Variants in TSKS observed in about 807,000 individuals in gnomAD.
TSKS encodes testis-specific serine kinase substrate.
In TSKS, 27 loss-of-function variants were observed where a neutral mutation model predicts 68.0. That is an observed-to-expected ratio of 0.40 (90% confidence interval 0.29 to 0.55). The LOEUF is 0.55. Among genes scored for constraint, TSKS ranks in the 20% least tolerant of loss-of-function variants. TSKS has a pLI of 0.53. For missense variants in TSKS, 806 were observed against 776.0 expected, an observed-to-expected ratio of 1.04 and a Z score of -0.46; for synonymous variants, 331 against 340.4, an observed-to-expected ratio of 0.97 and a Z score of 0.30.
rs2084276708 is a variant in TSKS at position 49,744,219 on chromosome 19, C to G, written c.1361+12G>C. 6.2e-7 allele frequency: 1 copy of G among 1,607,648 alleles called. No individual in the cohort carries two copies. Among genetic ancestry groups the G allele is most frequent in the African/African-American group, 1.3e-5 (1 of 74,808 alleles). On this transcript the variant is annotated intron_variant, in intron 8 of 10. Transcript: ENST00000246801. ...TCCACAAGGCTCCCAGAGGCAAGCC[C>G]AGCCCCGTTACCTGGCACAGCGGGC...
At chr19:49,751,301 C>CAAAAAAAAAAAAA (rs55750605) in intron 2 of TSKS, among the ~76,000 whole-genome samples, 2 of 35,118 alleles carry the variant, frequency 5.7e-5, no homozygotes, top group African/African-American at 2.0e-4. Context: ...GATTCCATCT[C>CAAAAAAAAAAAAA]AAAAAAAAAA....
At position 49,739,842 on chromosome 19, in the gene TSKS, T is replaced by C. The variant is rs2084236298; in HGVS notation, c.1713A>G (p.Gly571=). ...CTGCACTGCTGCCTCCCCCCATTGT[T>C]CCCGTGGACCCCTCAAGTGGCAGGT... is the stretch of plus-strand genomic sequence containing the variant. ...LSNLPLEGST[G]TMGGGSSAGT... The change falls in exon 11 of 11, where the codon GGA becomes GGG. Residue 571 remains glycine (G), a synonymous_variant. Transcript: ENST00000246801. 1.2e-6 allele frequency: 2 copies of C among 1,613,758 alleles called. No individual in the cohort carries two copies.
intron 2 of TSKS, among the ~76,000 whole-genome samples, 166 bp from the exon 3 acceptor site, chr19:49,748,635 G>A (rs530029963): frequency 9.9e-4 from 151 of 152,286 alleles, no homozygotes; most frequent in African/African-American, 3.5e-3. Context: ...GCATTCCTGC[G>A]CGGCAAACCC....
intron 7 of TSKS, 112 bp downstream of exon 7, chr19:49,745,090 C>T (rs1400571290): frequency 6.4e-6 from 7 of 1,089,148 alleles, no homozygotes; most frequent in South Asian, 3.5e-5. Flanking sequence ...GTATATGTTC[C>T]GGAATGCCTG....
chr19:49,755,564 C>A (rs1294802123), intron 2 of TSKS, among the ~76,000 whole-genome samples: 1 of 152,090 alleles, frequency 6.6e-6, no homozygotes, highest in Non-Finnish European at 1.5e-5. Context: ...GACATGGTGG[C>A]TCACACCTGT....
intron 2 of TSKS, 133 bp from the exon 3 acceptor site, chr19:49,748,602 A>G: frequency 1.3e-6 from 1 of 763,232 alleles, no homozygotes; most frequent in Non-Finnish European, 2.2e-6. Flanking sequence ...ACTTGGAGCC[A>G]AGGGCTATAC....
At chr19:49,744,455 C>T in intron 7 of TSKS, 51 bp from the exon 8 acceptor site, 1 of 1,567,724 alleles carries the variant, frequency 6.4e-7, no homozygotes, top group Non-Finnish European at 8.7e-7. Flanking sequence ...GCGGTATAAC[C>T]CTGGCAAGAC....
chr19:49,747,399 G>A lies in TSKS; in HGVS notation c.653C>T (p.Ala218Val), dbSNP rs372915752. 15 of 1,614,038 alleles carry A rather than the reference G, an allele frequency of 9.3e-6. No individual in the cohort carries two copies. The African/African-American group carries it at 1.7e-4, about 19-fold the overall frequency. The change falls in exon 5 of 11, where the codon GCC (alanine) becomes GTC (valine). Residue 218 changes from alanine to valine, a missense_variant. Transcript: ENST00000246801. ...IKTNVLKQNS[A>V]LLEEKLRYLQ... ...CCCCCTAGCCCTTACCTCCAGCAGG[G>A]CAGAATTCTGCTTCAAGACGTTGGT...
rs749342962 is a variant in TSKS, at chr19:49,762,116, G to A, written c.287C>T (p.Thr96Met). Residue 96 changes from threonine to methionine, a missense_variant, in exon 2 of 11, where the codon ACG (threonine) becomes ATG (methionine). Transcript: ENST00000246801. ...NLAAMEPTDS[T>M]GTDSTVEDLS... is the part of the protein sequence containing the mutation. ...GTCTTCCACTGTGGAGTCTGTCCCC[G>A]TGGAGTCAGTGGGCTCCATGGCGGC... 36 of 1,614,010 alleles carry A rather than the reference G, an allele frequency of 2.2e-5. No homozygotes were observed. The highest frequency in any genetic ancestry group is 6.7e-5 in the East Asian group (3 of 44,896).
At chr19:49,744,113 G>T in intron 8 of TSKS, 118 bp downstream of exon 8, 1 of 1,064,454 alleles carries the variant, frequency 9.4e-7, no homozygotes, top group Non-Finnish European at 1.4e-6. Flanking sequence ...CAATGCACTG[G>T]GATACCTTGT....
At chr19:49,744,111 T>C (rs1464190454) in intron 8 of TSKS, 120 bp downstream of exon 8, 1 of 1,049,068 alleles carries the variant, frequency 9.5e-7, no homozygotes, top group African/African-American at 1.6e-5. Flanking sequence ...TACAATGCAC[T>C]GGGATACCTT....
intron 2 of TSKS, among the ~76,000 whole-genome samples, chr19:49,750,174 C>A (rs1213090931): frequency 1.3e-5 from 2 of 151,914 alleles, no homozygotes; most frequent in East Asian, 3.9e-4. Flanking sequence ...CAGGGTGAGA[C>A]ATTACATCTT....
Position 49,762,031 on chromosome 19 carries a change from C to G in TSKS, c.372G>C (p.Pro124=). The G allele has an allele frequency of 1.2e-6, 2 of 1,613,934 alleles. No individual in the cohort carries two copies. Among genetic ancestry groups the G allele is most frequent in the Non-Finnish European group, 1.7e-6 (2 of 1,179,934 alleles). The change falls in exon 2 of 11, where the codon CCG becomes CCC. Residue 124 remains proline (P), a synonymous_variant. Transcript: ENST00000246801. The stretch of plus-strand genomic sequence containing the variant: ...GGATTTCCGTGATGTCTGCGTCATC[C>G]GGATCCCAGGGTAGGGTAGGGGAGG... ...PPASPTLPWD[P]DDADITEILS...
chr19:49,742,097 G>A (rs1024546588), intron 8 of TSKS, 77 bp from the exon 9 acceptor site: 150 of 1,556,546 alleles, frequency 9.6e-5, no homozygotes, highest in Non-Finnish European at 1.3e-4. Flanking sequence ...CTCACCTGTG[G>A]AGCCTCCATT....
Position 49,747,447 on chromosome 19 carries a change from G to T in TSKS, c.605C>A (p.Ser202Tyr). 1.2e-6 allele frequency: 2 copies of T among 1,614,224 alleles called. No individual in the cohort carries two copies. The highest frequency in any genetic ancestry group is 8.5e-7 in the Non-Finnish European group (1 of 1,180,044). The change falls in exon 5 of 11, where the codon TCT (serine) becomes TAT (tyrosine). Residue 202 changes from serine to tyrosine, a missense_variant. Physicochemically the swap from Ser to Tyr is moderately radical, Grantham distance 144. Transcript: ENST00000246801. ...LKENCWKVTR[S>Y]VEDAEIKTNV... ...GGTTTTGATTTCAGCATCTTCCACA[G>T]ACCGGGTCACCTTCCAGCAGTTCTC...
At chr19:49,743,493 C>CTTTT (rs761657800) in intron 8 of TSKS, among the ~76,000 whole-genome samples, 52 of 103,882 alleles carry the variant, frequency 5.0e-4, no homozygotes, top group Non-Finnish European at 6.8e-4. Flanking sequence ...AAGTGAATTT[C>CTTTT]TTTTTTTTTT....
At position 49,744,371 on chromosome 19, in the gene TSKS, C is replaced by T; in HGVS notation, c.1221G>A (p.Leu407=). Residue 407 remains leucine (L), a synonymous_variant, in exon 8 of 11, where the codon CTG becomes CTA. Transcript: ENST00000246801. ...GGCCCAGCCCCTCCAGTTCGCTCCT[C>T]AGTGAAGCCACAGACACTGCTGACC... ...VERSAVSVAS[L]RSELEGLGPL... The T allele has an allele frequency of 6.2e-7, 1 of 1,614,072 alleles. No homozygotes were observed. The highest frequency in any genetic ancestry group is 8.5e-7 in the Non-Finnish European group (1 of 1,180,024).
chr19:49,756,360 G>A (rs2123625245), intron 2 of TSKS, among the ~76,000 whole-genome samples: 1 of 152,208 alleles, frequency 6.6e-6, no homozygotes, highest in East Asian at 1.9e-4. Context: ...TTGGGATGCT[G>A]AGGTGGGAGG....
intron 2 of TSKS, 114 bp from the exon 3 acceptor site, chr19:49,748,583 G>T: frequency 1.0e-6 from 1 of 981,796 alleles, no homozygotes. Context: ...GCCCTGGAAT[G>T]GCTATGTGAC....
Sources: gnomAD v4.1 joint callset for allele counts (sites outside exome capture counted in the v4.1 genomes callset) on GRCh38, gnomAD v4.1.1 for gene constraint, MANE v1.5 for transcripts, NCBI Gene and HGNC (gene_info 2026-07-23, HGNC 2026-07-21) for gene names.